DPP8: variants seen among roughly 807,000 people sequenced by gnomAD.
DPP8 encodes dipeptidyl peptidase 8.
DPP8 carries 31 observed loss-of-function variants against 107.5 expected under a neutral mutation model. That is an observed-to-expected ratio of 0.29 (90% CI 0.22 to 0.39). DPP8 has a LOEUF of 0.39. Among genes scored for constraint, DPP8 ranks in the 10% least tolerant of loss-of-function variants. DPP8 has a pLI of 1.00. For missense variants in DPP8, 842 were observed against 1,076.1 expected (o/e 0.78, Z 3.04); for synonymous variants, 381 against 356.6 (o/e 1.07, Z -0.77).
chr15:65,488,222 T>C (rs2067627501), intron 6 of DPP8, among the ~76,000 whole-genome samples: 1 of 152,200 alleles, frequency 6.6e-6, no homozygotes, highest in Non-Finnish European at 1.5e-5. Context: ...GTAAAAATCA[T>C]CTTCTAACAA....
intron 5 of DPP8, among the ~76,000 whole-genome samples, chr15:65,496,606 A>AT (rs1305509065): frequency 2.0e-5 from 3 of 152,016 alleles, no homozygotes; most frequent in Admixed American, 6.6e-5. Context: ...ACAAAGTTCT[A>AT]TTTTTTCTAT....
At chr15:65,451,229 G>T in intron 18 of DPP8, 119 bp from the exon 19 acceptor site, 2 of 640,814 alleles carry the variant, frequency 3.1e-6, no homozygotes, top group South Asian at 1.9e-5. Flanking sequence ...GTTAGAATAA[G>T]AATTCAGTAT....
At chr15:65,491,160 CAAAAAAAAAAAAA>C (rs764574499) in intron 5 of DPP8, among the ~76,000 whole-genome samples, 2 of 55,008 alleles carry the variant, frequency 3.6e-5, no homozygotes, top group East Asian at 7.3e-4. Context: ...GACTCCGTCT[CAAAAAAAAAAAAA>C]AAAAAAAAAG....
At chr15:65,496,452 G>A (rs999658086) in intron 5 of DPP8, among the ~76,000 whole-genome samples, 1 of 152,120 alleles carries the variant, frequency 6.6e-6, no homozygotes, top group African/African-American at 2.4e-5. Flanking sequence ...CAAAGAAAAA[G>A]CAATACACTA....
chr15:65,456,092 A>C, intron 16 of DPP8, 133 bp downstream of exon 16: 85 of 1,078,170 alleles, frequency 7.9e-5, no homozygotes, highest in East Asian at 2.4e-4. Flanking sequence ...TCCCACCCCC[A>C]AACTCTAACA....
intron 11 of DPP8, among the ~76,000 whole-genome samples, chr15:65,478,072 A>T (rs910172088): frequency 6.6e-6 from 1 of 152,284 alleles, no homozygotes; most frequent in Admixed American, 6.5e-5. Context: ...CCACCACTTA[A>T]GGAAAACCAC....
chr15:65,479,176 C>G, intron 10 of DPP8, 137 bp from the exon 11 acceptor site: 1 of 556,082 alleles, frequency 1.8e-6, no homozygotes, highest in Non-Finnish European at 2.9e-6. Context: ...GCTATATTTA[C>G]AGTAATAAAT....
In DPP8 at chr15:65,443,747, T is replaced by C. The variant is rs1446733695; in HGVS notation, c.*3137A>G. The C allele has an allele frequency of 1.8e-4, 27 of 152,112 alleles. No individual in the cohort carries two copies. The highest frequency in any genetic ancestry group is 1.8e-3 in the Admixed American group (27 of 15,276). 9.4% of individuals were successfully genotyped at this position (152,112 alleles called of 1,614,324 possible). A position where few individuals can be genotyped will look rare whatever the true frequency, so the allele number is the denominator to read the frequency against. ...GCAGCTTCATGGACTACTGTTTAGG[T>C]TCTTGTGAATCAGTCCAGTGTAAAA... On this transcript the variant is annotated 3_prime_UTR_variant, in exon 20 of 20. Transcript: ENST00000300141.
intron 2 of DPP8, among the ~76,000 whole-genome samples, chr15:65,510,805 C>G (rs1023441628): frequency 2.6e-5 from 4 of 152,212 alleles, no homozygotes; most frequent in Admixed American, 1.3e-4. Context: ...TCCCAAAGTG[C>G]TGGGAATACA....
chr15:65,481,530 G>C lies in DPP8; in HGVS notation c.1103C>G (p.Thr368Ser). 1 of 1,581,422 alleles carries C rather than the reference G, an allele frequency of 6.3e-7. No individual in the cohort carries two copies. Among genetic ancestry groups the C allele is most frequent in the South Asian group, 1.2e-5 (1 of 85,506 alleles). ...ACATACGCACTATTTTCCCTCAGGA[G>C]TCCATCCAGCTCTGGCAATATATTC... is the stretch of plus-strand genomic sequence containing the variant. The part of the protein sequence containing the change: ...GVEYIARAGW[T>S]PEGKYAWSIL... Residue 368 changes from threonine to serine, a missense_variant, in exon 9 of 20, where the codon ACT becomes AGT. Thr to Ser is a moderately conservative substitution (Grantham distance 58). Transcript: ENST00000300141.
chr15:65,455,822 A>C (rs930616686), intron 16 of DPP8: 8 of 1,291,088 alleles, frequency 6.2e-6, no homozygotes, highest in Non-Finnish European at 8.1e-6. Flanking sequence ...GCATCTCTAA[A>C]AGGTAGCATT....
intron 16 of DPP8, 34 bp from the exon 17 acceptor site, chr15:65,454,449 G>A (rs2064231546): frequency 1.3e-6 from 2 of 1,567,132 alleles, no homozygotes; most frequent in Non-Finnish European, 1.7e-6. Flanking sequence ...CACTGATTCT[G>A]ATGAATAAAA....
At chr15:65,448,859 ATCT>A (rs2063702735) in intron 19 of DPP8, among the ~76,000 whole-genome samples, 1 of 105,460 alleles carries the variant, frequency 9.5e-6, no homozygotes, top group Non-Finnish European at 1.9e-5. Flanking sequence ...ATACATATAT[ATCT>A]AAAATATATA....
At chr15:65,469,653 CAAAA>C (rs61311948) in intron 12 of DPP8, among the ~76,000 whole-genome samples, 8 of 66,504 alleles carry the variant, frequency 1.2e-4, no homozygotes, top group African/African-American at 4.8e-4. Flanking sequence ...AACTCCGTCT[CAAAA>C]AAAAAAAAAA....
chr15:65,449,518 T>C (rs1259333875), intron 19 of DPP8, among the ~76,000 whole-genome samples: 1 of 151,926 alleles, frequency 6.6e-6, no homozygotes, highest in Non-Finnish European at 1.5e-5. Flanking sequence ...CAAGCAATTC[T>C]CATGCCTCAG....
chr15:65,468,189 A>T (rs1347468234), intron 12 of DPP8, among the ~76,000 whole-genome samples: 1 of 152,170 alleles, frequency 6.6e-6, no homozygotes. Flanking sequence ...TCTACCAGCC[A>T]ACTCAAACAA....
intron 3 of DPP8, among the ~76,000 whole-genome samples, chr15:65,505,291 C>G (rs537224273): frequency 6.6e-6 from 1 of 150,744 alleles, no homozygotes; most frequent in African/African-American, 2.4e-5. Flanking sequence ...GGAGGAGGAG[C>G]TTGCAGTGAG....
At chr15:65,489,845 G>A (rs962787885) in intron 6 of DPP8, among the ~76,000 whole-genome samples, 6 of 152,170 alleles carry the variant, frequency 3.9e-5, no homozygotes, top group East Asian at 1.9e-4. Flanking sequence ...AGCCTCCCGC[G>A]TAGCTGGGAT....
intron 18 of DPP8, among the ~76,000 whole-genome samples, chr15:65,451,683 G>C (rs1162592380): frequency 1.3e-5 from 2 of 152,098 alleles, no homozygotes; most frequent in East Asian, 1.9e-4. Flanking sequence ...CCAGCACTTT[G>C]GGAGTCTGAG....
Sources: allele counts gnomAD v4.1 joint callset (sites outside exome capture counted in the v4.1 genomes callset), GRCh38; gene constraint gnomAD v4.1.1; transcripts MANE v1.5; gene names NCBI Gene and HGNC (gene_info 2026-07-23, HGNC 2026-07-21).